UBE2U: variants seen among roughly 807,000 people sequenced by gnomAD.
UBE2U encodes the protein ubiquitin conjugating enzyme E2 U.
UBE2U carries 39 observed loss-of-function variants against 41.2 expected under a neutral mutation model. The observed-to-expected ratio is 0.95, with a 90% CI of 0.73 to 1.24. UBE2U has a LOEUF of 1.24. Ranked by LOEUF, UBE2U falls within the 50% of genes most tolerant of loss-of-function variation. UBE2U has a pLI of 0.00. For missense variants in UBE2U, 336 were observed against 363.1 expected (o/e 0.93, Z 0.61); for synonymous variants, 107 against 117.8 (o/e 0.91, Z 0.60).
At chr1:64,243,547 T>C (rs1644870301) in intron 8 of UBE2U, among the ~76,000 whole-genome samples, 1 of 152,192 alleles carries the variant, frequency 6.6e-6, no homozygotes, top group African/African-American at 2.4e-5. Context: ...GTTTTTAATA[T>C]TCGAAAATGC....
At chr1:64,244,178 A>C (rs761058669) in intron 8 of UBE2U, 2 of 1,603,878 alleles carry the variant, frequency 1.2e-6, no homozygotes, top group Non-Finnish European at 1.7e-6. Flanking sequence ...CATGAGCTTC[A>C]GAGTCAAACA....
chr1:64,250,751 A>G (rs939650239), intron 8 of UBE2U, among the ~76,000 whole-genome samples: 12 of 152,112 alleles, frequency 7.9e-5, no homozygotes, highest in Admixed American at 7.9e-4. Flanking sequence ...TGATGAGTTC[A>G]TGTCCTTTGT....
At chr1:64,239,350 G>A (rs983264751) in intron 7 of UBE2U, among the ~76,000 whole-genome samples, 11 of 151,868 alleles carry the variant, frequency 7.2e-5, no homozygotes, top group Admixed American at 2.6e-4. Context: ...AATTACCAGT[G>A]CCTTAAACAT....
rs1179196924 is a variant in UBE2U, at chr1:64,267,092, G to A, written c.838G>A (p.Gly280Arg). 6.5e-7 allele frequency: 1 copy of A among 1,550,288 alleles called. No homozygotes were observed. Among genetic ancestry groups the A allele is most frequent in the African/African-American group, 1.4e-5 (1 of 73,020 alleles). The change falls in exon 10 of 10, where the codon GGG (glycine) becomes AGG (arginine). Residue 280 changes from glycine to arginine, a missense_variant. Coordinates refer to ENST00000371077, the MANE Select transcript of UBE2U (RefSeq NM_001366232.2). ...AGACATTTATGAAACAGAAGAGGAGGGGTGGAAGAGTGACACTTCATTATA... is the reference window on the plus strand; with the variant it reads ...AGACATTTATGAAACAGAAGAGGAGAGGTGGAAGAGTGACACTTCATTATA... ...ITDIYETEEE[G>R]WKSDTSLYEN... is the part of the protein sequence containing the mutation.
In UBE2U at chr1:64,219,621, G is replaced by C. The variant is rs184711964; in HGVS notation, c.458-1238G>C. On this transcript the variant is annotated intron_variant, in intron 5 of 9. Transcript: ENST00000371077. ...TTTTTTTTAGACGGAGTCTCACTCT[G>C]TCTCCCAGGCTGCCAGGCTGGAGTG... 6.3e-5 allele frequency among the ~76,000 whole-genome samples: 9 copies of C among 142,276 alleles called. No homozygotes were observed. In the East Asian group the frequency reaches 1.8e-3, roughly 29 times the overall value. The allele number at this position is 142,276 out of a possible 152,430, so 93.3% of individuals were successfully genotyped here.
intron 3 of UBE2U, among the ~76,000 whole-genome samples, chr1:64,207,485 A>G (rs932391219): frequency 2.0e-5 from 3 of 152,320 alleles, no homozygotes; most frequent in African/African-American, 7.2e-5. Context: ...TTTCTGCATT[A>G]TTAAACAGTC....
intron 6 of UBE2U, among the ~76,000 whole-genome samples, chr1:64,231,537 TTTCTACTTAA>T (rs1644565613): frequency 6.6e-6 from 1 of 152,236 alleles, no homozygotes; most frequent in Non-Finnish European, 1.5e-5. Context: ...AAGTTTCAAA[TTTCTACTTAA>T]GTGTGATTGT....
chr1:64,253,281 A>G (rs1645040015), intron 8 of UBE2U, among the ~76,000 whole-genome samples: 1 of 152,208 alleles, frequency 6.6e-6, no homozygotes, highest in African/African-American at 2.4e-5. Context: ...CACCAAACCT[A>G]CAACTGATTG....
chr1:64,264,976 A>T (rs11586134), intron 9 of UBE2U, among the ~76,000 whole-genome samples: 25,927 of 151,412 alleles, frequency 0.17, 2,515 homozygotes, highest in East Asian at 0.41. Context: ...TTAAATTAAA[A>T]TAAAAGAAAT....
At chr1:64,247,513 G>A (rs570879509) in intron 8 of UBE2U, among the ~76,000 whole-genome samples, 1 of 152,228 alleles carries the variant, frequency 6.6e-6, no homozygotes, top group African/African-American at 2.4e-5. Context: ...GAAGGAGGGT[G>A]GAGGAGTATG....
At chr1:64,258,863 T>C (rs1416043966) in intron 8 of UBE2U, among the ~76,000 whole-genome samples, 3 of 152,192 alleles carry the variant, frequency 2.0e-5, no homozygotes, top group Non-Finnish European at 4.4e-5. Flanking sequence ...GATCAAATGG[T>C]ATTTCTAGTT....
intron 7 of UBE2U, among the ~76,000 whole-genome samples, chr1:64,239,041 TCAAAAA>T (rs1161676072): frequency 2.8e-5 from 3 of 105,490 alleles, no homozygotes; most frequent in East Asian, 6.2e-4. Flanking sequence ...GACCCCCATC[TCAAAAA>T]GAAGAAGAAG....
chr1:64,239,157 A>AAGAAAGAAGAAGAAGAAGAAGAAGAAG, intron 7 of UBE2U, among the ~76,000 whole-genome samples: 33 of 37,044 alleles, frequency 8.9e-4, no homozygotes, highest in African/African-American at 2.6e-3. Context: ...GAAGAAGAAG[A>AAGAAAGAAGAAGAAGAAGAAGAAGAAG]AAGAAGAAGA....
chr1:64,220,894 C>A lies in UBE2U; in HGVS notation c.493C>A (p.Arg165Ser). 1 of 1,604,100 alleles carries A rather than the reference C, an allele frequency of 6.2e-7. No individual in the cohort carries two copies. Among genetic ancestry groups the A allele is most frequent in the Non-Finnish European group, 8.5e-7 (1 of 1,176,702 alleles). Residue 165 changes from arginine to serine, a missense_variant, in exon 6 of 10, where the codon CGT becomes AGT. Physicochemically the swap from Arg to Ser is moderately radical, Grantham distance 110. Coordinates refer to ENST00000371077, the MANE Select transcript of UBE2U (RefSeq NM_001366232.2). ...CAGCCAGGAGTTACCTAAAGACCCA[C>A]GTAAATGTATCAGGTAAGTTTTTCT... ...DDSQELPKDP[R>S]KCIRPIKTTS... is the part of the protein sequence containing the mutation.
At chr1:64,228,926 T>C (rs1653086241) in intron 6 of UBE2U, among the ~76,000 whole-genome samples, 1 of 148,534 alleles carries the variant, frequency 6.7e-6, no homozygotes. Flanking sequence ...AGTGGCGCGA[T>C]CTCAGCTCAC....
intron 8 of UBE2U, among the ~76,000 whole-genome samples, chr1:64,259,073 T>C (rs1403462066): frequency 2.0e-5 from 3 of 152,266 alleles, no homozygotes; most frequent in African/African-American, 7.2e-5. Flanking sequence ...TGATGGCCAG[T>C]GATGATGAGC....
At chr1:64,239,090 G>GAATA (rs1557729590) in intron 7 of UBE2U, among the ~76,000 whole-genome samples, 8 of 48,178 alleles carry the variant, frequency 1.7e-4, no homozygotes, top group African/African-American at 5.7e-4. Context: ...GGAAGAGGAA[G>GAATA]AGGAAGAAGA....
chr1:64,262,412 A>G (rs145552092), intron 9 of UBE2U, among the ~76,000 whole-genome samples: 113 of 152,284 alleles, frequency 7.4e-4, no homozygotes, highest in Non-Finnish European at 1.4e-3. Context: ...GAAAGCTGCA[A>G]TCAAGGCTTT....
intron 8 of UBE2U, among the ~76,000 whole-genome samples, chr1:64,248,140 A>T (rs1480398844): frequency 1.3e-5 from 2 of 151,828 alleles, no homozygotes; most frequent in Non-Finnish European, 2.9e-5. Context: ...TCCTAGGAGA[A>T]CTCCTTCTTT....
Sources: gnomAD v4.1 joint callset for allele counts (sites outside exome capture counted in the v4.1 genomes callset) on GRCh38, gnomAD v4.1.1 for gene constraint, MANE v1.5 for transcripts, NCBI Gene and HGNC (gene_info 2026-07-23, HGNC 2026-07-21) for gene names.